Variants in TSPAN18 observed in about 807,000 individuals in gnomAD.
TSPAN18 encodes the protein tetraspanin 18, also known as tetraspanin-18.
Under a neutral mutation model 27.3 loss-of-function variants are expected in TSPAN18, and 14 were observed. The observed-to-expected ratio is 0.51, with a 90% CI of 0.34 to 0.80. TSPAN18 has a LOEUF of 0.80. Ranked by LOEUF, TSPAN18 falls within the 30% of genes least tolerant of loss-of-function variation. The pLI is 0.01. For missense variants in TSPAN18, 268 were observed against 323.9 expected, an observed-to-expected ratio of 0.83 and a Z score of 1.32; for synonymous variants, 143 against 136.5, an observed-to-expected ratio of 1.05 and a Z score of -0.33.
chr11:44,914,771 G>A (rs1398601060), intron 5 of TSPAN18, among the ~76,000 whole-genome samples: 1 of 152,224 alleles, frequency 6.6e-6, no homozygotes, highest in African/African-American at 2.4e-5. Context: ...TGTCTCACTA[G>A]ATGAGAGGGC....
intron 2 of TSPAN18, among the ~76,000 whole-genome samples, chr11:44,784,228 C>A (rs778468326): frequency 3.9e-4 from 60 of 152,168 alleles, no homozygotes; most frequent in Non-Finnish European, 6.6e-4. Context: ...GCCTTAGCTT[C>A]TAGGGAATGG....
intron 5 of TSPAN18, among the ~76,000 whole-genome samples, chr11:44,916,131 G>A (rs544734329): frequency 6.6e-6 from 1 of 152,288 alleles, no homozygotes; most frequent in African/African-American, 2.4e-5. Flanking sequence ...CCTCGGAGAT[G>A]TTTTATGTCC....
chr11:44,816,688 C>T (rs548315471), intron 2 of TSPAN18, among the ~76,000 whole-genome samples: 3 of 152,222 alleles, frequency 2.0e-5, no homozygotes, highest in Non-Finnish European at 4.4e-5. Flanking sequence ...CCATGTCCTC[C>T]TGCTTTCTCC....
intron 3 of TSPAN18, chr11:44,901,301 C>T (rs1016838252): frequency 2.6e-5 from 4 of 152,164 alleles, no homozygotes; most frequent in African/African-American, 4.8e-5. Context: ...TCCGCAAGCC[C>T]GGGCCATGAG....
At chr11:44,910,276 C>G (rs1242227590) in intron 5 of TSPAN18, among the ~76,000 whole-genome samples, 1 of 152,258 alleles carries the variant, frequency 6.6e-6, no homozygotes, top group African/African-American at 2.4e-5. Context: ...TGCAGTCAAT[C>G]CAGGACCCTT....
intron 1 of TSPAN18, among the ~76,000 whole-genome samples, chr11:44,763,107 CACTT>C: frequency 6.6e-6 from 1 of 152,326 alleles, no homozygotes; most frequent in South Asian, 2.1e-4. Flanking sequence ...GAAGTGGTGA[CACTT>C]TCTCCTGGGG....
At chr11:44,736,212 T>C (rs890748325) in intron 1 of TSPAN18, 4 of 152,200 alleles carry the variant, frequency 2.6e-5, no homozygotes, top group Non-Finnish European at 5.9e-5. Flanking sequence ...GAGGTGAATG[T>C]CTGTGTCAAA....
intron 2 of TSPAN18, among the ~76,000 whole-genome samples, chr11:44,775,748 T>G (rs1855791953): frequency 6.6e-6 from 1 of 152,238 alleles, no homozygotes; most frequent in African/African-American, 2.4e-5. Flanking sequence ...TCCAGGCTGC[T>G]AACCTATAGA....
chr11:44,892,213 C>T (rs1858875504), intron 3 of TSPAN18, among the ~76,000 whole-genome samples: 1 of 152,208 alleles, frequency 6.6e-6, no homozygotes, highest in African/African-American at 2.4e-5. Flanking sequence ...CTGGTACCTG[C>T]CTTTCCCCAG....
In TSPAN18 at chr11:44,863,760, C is replaced by T. The variant is rs1192373354; in HGVS notation, c.-11+3291C>T. On this transcript the variant is annotated intron_variant, in intron 3 of 9. Transcript: ENST00000520358. ...CTGAGCTCTGCTAGCAGTACAGCCT[C>T]AGTATTCTTATAAGTAAGTTAGAGA... Among the ~76,000 whole-genome samples the T allele has an allele frequency of 1.4e-5, 2 of 146,714 alleles. 1 individual carries two copies. Among genetic ancestry groups the T allele is most frequent in the South Asian group, 4.5e-4 (2 of 4,480 alleles).
chr11:44,907,902 A>G (rs2135330669), intron 4 of TSPAN18, among the ~76,000 whole-genome samples: 1 of 152,130 alleles, frequency 6.6e-6, no homozygotes, highest in South Asian at 2.1e-4. Context: ...TAAAAATACA[A>G]AAAGTAGCCA....
chr11:44,877,515 TA>T (rs1157588691), intron 3 of TSPAN18, among the ~76,000 whole-genome samples: 1 of 151,934 alleles, frequency 6.6e-6, no homozygotes, highest in Admixed American at 6.6e-5. Context: ...CTCAACTAAA[TA>T]AAGGAGTGAA....
Position 44,920,038 on chromosome 11 carries a change from C to T in TSPAN18, c.615+39C>T, listed in dbSNP as rs11827297. On this transcript the variant is annotated intron_variant, in intron 8 of 9. Transcript: ENST00000520358. ...TCTCCAGACAGGGGAGTGGGTCTAT[C>T]GGGATTTGGGTGGCCAGAGCTGGGT... is the stretch of plus-strand genomic sequence containing the variant. 2,006 of 1,588,120 alleles carry T rather than the reference C, an allele frequency of 1.3e-3. 14 individuals carry two copies. The African/African-American group carries it at 0.022, about 17-fold the overall frequency.
intron 1 of TSPAN18, among the ~76,000 whole-genome samples, chr11:44,763,386 G>A (rs1045524124): frequency 6.6e-6 from 1 of 152,084 alleles, no homozygotes; most frequent in Admixed American, 6.5e-5. Context: ...ATCCTTCTCT[G>A]GTGACCTGGG....
intron 8 of TSPAN18, among the ~76,000 whole-genome samples, chr11:44,920,385 G>A (rs957709128): frequency 2.6e-5 from 4 of 152,196 alleles, no homozygotes; most frequent in Non-Finnish European, 5.9e-5. Context: ...GTATTTTGGA[G>A]GAAGCTCTTA....
intron 1 of TSPAN18, among the ~76,000 whole-genome samples, chr11:44,742,025 C>T (rs1303035016): frequency 6.7e-6 from 1 of 149,376 alleles, no homozygotes; most frequent in African/African-American, 2.4e-5. Context: ...GCCCAGCAAT[C>T]CAACCGGAGT....
chr11:44,892,624 C>G (rs551557079), intron 3 of TSPAN18, among the ~76,000 whole-genome samples: 90 of 152,340 alleles, frequency 5.9e-4, no homozygotes, highest in Non-Finnish European at 1.2e-3. Flanking sequence ...AGAGGGACCT[C>G]CGACCTGTGT....
chr11:44,832,939 A>C (rs911694855), intron 2 of TSPAN18, among the ~76,000 whole-genome samples: 3 of 152,072 alleles, frequency 2.0e-5, no homozygotes, highest in African/African-American at 7.2e-5. Flanking sequence ...CTGGATGTCT[A>C]TCAAATAAGG....
intron 2 of TSPAN18, among the ~76,000 whole-genome samples, chr11:44,795,069 AACCCCC>A (rs933412665): frequency 6.6e-6 from 1 of 150,724 alleles, no homozygotes; most frequent in African/African-American, 2.4e-5. Context: ...CTGCCATTGG[AACCCCC>A]ACCCCCACCC....
Sources: gnomAD v4.1 joint callset for allele counts (sites outside exome capture counted in the v4.1 genomes callset) on GRCh38, gnomAD v4.1.1 for gene constraint, MANE v1.5 for transcripts, NCBI Gene and HGNC (gene_info 2026-07-23, HGNC 2026-07-21) for gene names.